The following DMD variants were observed in gnomAD, a reference collection of about 807,000 sequenced individuals.
The protein encoded by DMD is mutant dystrophin.
A neutral mutation model predicts 330.1 loss-of-function variants in DMD; 63 were observed. The observed-to-expected ratio is 0.19, with a 90% CI of 0.16 to 0.24. The LOEUF (loss-of-function observed/expected upper bound fraction) is 0.24. Among genes scored for constraint, DMD ranks in the 10% least tolerant of loss-of-function variants. The probability of loss-of-function intolerance (pLI) is 1.00; values close to 1 mark genes in which losing one functional copy is unlikely to be tolerated. For missense variants in DMD, 3,344 were observed against 2,684.1 expected (o/e 1.25, Z -5.43); for synonymous variants, 1,223 against 959.8 (o/e 1.27, Z -5.07).
chrX:32,435,684 T>C (rs1407459917), intron 29 of DMD, among the ~76,000 whole-genome samples: 1 of 110,146 alleles, frequency 9.1e-6, no homozygotes, highest in East Asian at 2.9e-4. Flanking sequence ...ATGGGGGAGG[T>C]AGAGGTTTGT....
intron 55 of DMD, among the ~76,000 whole-genome samples, chrX:31,556,986 C>T (rs958693458): frequency 8.9e-6 from 1 of 111,897 alleles, no homozygotes; most frequent in Non-Finnish European, 1.9e-5. Context: ...CAGGGGGCTA[C>T]GAAGATGAAA....
intron 55 of DMD, among the ~76,000 whole-genome samples, chrX:31,596,269 T>C (rs1002841205): frequency 6.2e-5 from 7 of 112,037 alleles, no homozygotes; most frequent in African/African-American, 2.3e-4. Flanking sequence ...TACTCTAAGA[T>C]TTATACAAAG....
chrX:31,250,945 G>C (rs1300667776), intron 63 of DMD, among the ~76,000 whole-genome samples: 3 of 110,010 alleles, frequency 2.7e-5, no homozygotes, highest in African/African-American at 9.9e-5. Flanking sequence ...AGCTGGGTGT[G>C]GTGGTGCACA....
chrX:31,609,518 CGTGT>C (rs74965499), intron 55 of DMD, among the ~76,000 whole-genome samples: 2 of 109,726 alleles, frequency 1.8e-5, no homozygotes, highest in East Asian at 2.9e-4. Flanking sequence ...CGTGTGTGTG[CGTGT>C]GTGTGTGTGT....
At chrX:32,738,253 G>T (rs1229485932) in intron 7 of DMD, among the ~76,000 whole-genome samples, 1 of 111,397 alleles carries the variant, frequency 9.0e-6, no homozygotes, top group Non-Finnish European at 1.9e-5. Flanking sequence ...CTTTACCTAA[G>T]GTGGGTCTTG....
At chrX:31,938,419 T>C (rs1203647365) in intron 45 of DMD, among the ~76,000 whole-genome samples, 1 of 112,188 alleles carries the variant, frequency 8.9e-6, no homozygotes, top group Non-Finnish European at 1.9e-5. Flanking sequence ...TTACATATAA[T>C]GTTTAATTCA....
chrX:32,870,036 C>G (rs1298121886), intron 2 of DMD, among the ~76,000 whole-genome samples: 1 of 111,327 alleles, frequency 9.0e-6, no homozygotes, highest in Non-Finnish European at 1.9e-5. Flanking sequence ...TTCTGTGTAT[C>G]TAGAAAACTC....
intron 2 of DMD, among the ~76,000 whole-genome samples, chrX:32,968,028 A>G (rs978154245): frequency 9.0e-6 from 1 of 111,627 alleles, no homozygotes; most frequent in Non-Finnish European, 1.9e-5. Flanking sequence ...ACAGACTATC[A>G]TTTTCTTGAG....
At chrX:32,999,320 T>C (rs150420042) in intron 2 of DMD, among the ~76,000 whole-genome samples, 2,350 of 111,631 alleles carry the variant, frequency 0.021, 127 homozygotes, top group Admixed American at 0.17. Flanking sequence ...TAGCTCATCA[T>C]CTATCATTAG....
At chrX:32,841,349 G>A (rs938382234) in intron 4 of DMD, among the ~76,000 whole-genome samples, 1 of 111,864 alleles carries the variant, frequency 8.9e-6, no homozygotes, top group African/African-American at 3.2e-5. Context: ...GAATGTACAT[G>A]TAAATGGAAA....
At chrX:32,558,966 T>A (rs5928011) in intron 16 of DMD, among the ~76,000 whole-genome samples, 1 of 86,487 alleles carries the variant, frequency 1.2e-5, no homozygotes, top group Admixed American at 1.5e-4. Flanking sequence ...TTTTTTTTTT[T>A]TTGAGACGAA....
chrX:31,983,915 G>A (rs754520987), intron 44 of DMD, among the ~76,000 whole-genome samples: 46 of 111,306 alleles, frequency 4.1e-4, no homozygotes, highest in Non-Finnish European at 6.6e-4. Flanking sequence ...GCAGATAAAG[G>A]TCCCAGGACC....
intron 44 of DMD, among the ~76,000 whole-genome samples, chrX:31,987,493 T>G (rs1483737396): frequency 8.9e-6 from 1 of 111,896 alleles, no homozygotes; most frequent in African/African-American, 3.3e-5. Context: ...GTCCATTTAC[T>G]GCTTCTATGA....
intron 63 of DMD, among the ~76,000 whole-genome samples, chrX:31,229,507 G>A (rs1480585706): frequency 2.7e-5 from 3 of 111,654 alleles, no homozygotes; most frequent in Middle Eastern, 4.6e-3. Flanking sequence ...AGAGCTGTAC[G>A]GCTAAATGAT....
chrX:32,532,603 T>C (rs1395540624), intron 17 of DMD, among the ~76,000 whole-genome samples: 1 of 112,568 alleles, frequency 8.9e-6, no homozygotes, highest in Admixed American at 9.4e-5. Context: ...ATTTTAAGTG[T>C]GAAATACATT....
chrX:31,219,516 G>T (rs2045761415), intron 64 of DMD, among the ~76,000 whole-genome samples: 1 of 110,811 alleles, frequency 9.0e-6, no homozygotes, highest in South Asian at 3.9e-4. Flanking sequence ...TTTATAGTAA[G>T]ACATCCTTCA....
At position 32,699,306 on chromosome X, in the gene DMD, T is replaced by TA; in HGVS notation, c.650-14dup. 1.7e-6 allele frequency: 2 copies of TA among 1,178,920 alleles called. No homozygotes were observed. Among genetic ancestry groups the TA allele is most frequent in the Non-Finnish European group, 2.3e-6 (2 of 866,100 alleles). On this transcript the variant is annotated splice_polypyrimidine_tract_variant and intron_variant, in intron 7 of 78. Transcript: ENST00000357033. ...GTGGTATCAACATCTGTAAGCACAT[T>TA]AACACTACACATCAATTTTTGGTTT...
intron 9 of DMD, among the ~76,000 whole-genome samples, chrX:32,674,137 G>C (rs995600533): frequency 5.4e-5 from 6 of 112,002 alleles, no homozygotes; most frequent in Admixed American, 4.7e-4. Flanking sequence ...GGAAGGCTCT[G>C]AAAGTGCAGG....
chrX:32,903,194 T>C (rs193113394), intron 2 of DMD, among the ~76,000 whole-genome samples: 2 of 73,075 alleles, frequency 2.7e-5, no homozygotes, highest in East Asian at 1.2e-3. Context: ...TCATTTATTA[T>C]CAGCAACTAA....
Sources: gnomAD v4.1 joint callset for allele counts (sites outside exome capture counted in the v4.1 genomes callset) on GRCh38, gnomAD v4.1.1 for gene constraint, MANE v1.5 for transcripts, NCBI Gene and HGNC (gene_info 2026-07-23, HGNC 2026-07-21) for gene names.